The following FYCO1 variants were observed in gnomAD, a reference collection of about 807,000 sequenced individuals.
FYCO1 encodes the protein FYVE and coiled-coil domain autophagy adaptor 1.
FYCO1 carries 122 observed loss-of-function variants against 165.1 expected under a neutral mutation model. That is an observed-to-expected ratio of 0.74 (90% CI 0.64 to 0.86). The LOEUF (loss-of-function observed/expected upper bound fraction) is 0.86. Ranked by LOEUF, FYCO1 falls within the 40% of genes least tolerant of loss-of-function variation. The probability of loss-of-function intolerance (pLI) is 0.00; values close to 1 mark genes in which losing one functional copy is unlikely to be tolerated. For synonymous variants in FYCO1, 648 were observed against 742.5 expected, an observed-to-expected ratio of 0.87 and a Z score of 2.07; for missense variants, 1,702 against 1,810.3, an observed-to-expected ratio of 0.94 and a Z score of 1.09.
At chr3:45,955,677 A>T (rs374288126) in intron 13 of FYCO1, among the ~76,000 whole-genome samples, 1 of 152,254 alleles carries the variant, frequency 6.6e-6, no homozygotes, top group African/African-American at 2.4e-5. Context: ...AACCTCTTGC[A>T]TATTCTCTGA....
rs761680310 is a variant in FYCO1, at chr3:45,921,718, A to C, written c.*47T>G. The C allele has an allele frequency of 8.3e-7, 1 of 1,206,986 alleles. No individual in the cohort carries two copies. The highest frequency in any genetic ancestry group is 1.7e-5 in the Admixed American group (1 of 59,542). The allele number at this position is 1,206,986 out of a possible 1,614,324, so 74.8% of individuals were successfully genotyped here. A position where few individuals can be genotyped will look rare whatever the true frequency, so the allele number is the denominator to read the frequency against. ...AAATGCTTTATGTGACAGGTGAGGA[A>C]GAGCAGTGTTTCCTGTGGATGAAGT... On this transcript the variant is annotated 3_prime_UTR_variant, in exon 18 of 18. Coordinates refer to ENST00000296137, the MANE Select transcript of FYCO1 (RefSeq NM_024513.4).
intron 6 of FYCO1, among the ~76,000 whole-genome samples, chr3:45,972,366 G>A (rs1706491558): frequency 6.6e-6 from 1 of 152,202 alleles, no homozygotes; most frequent in Non-Finnish European, 1.5e-5. Flanking sequence ...GACTATCATA[G>A]TCACCACTTT....
chr3:45,933,725 C>G (rs1379537863), intron 15 of FYCO1, among the ~76,000 whole-genome samples: 1 of 151,778 alleles, frequency 6.6e-6, no homozygotes, highest in Non-Finnish European at 1.5e-5. Flanking sequence ...CCCACCTACA[C>G]ATAATAAAAA....
Position 45,959,444 on chromosome 3 carries a change from C to A in FYCO1, c.3536G>T (p.Cys1179Phe). 2 of 1,614,140 alleles carry A rather than the reference C, an allele frequency of 1.2e-6. No individual in the cohort carries two copies. Among genetic ancestry groups the A allele is most frequent in the Non-Finnish European group, 1.7e-6 (2 of 1,180,052 alleles). Residue 1179 changes from cysteine to phenylalanine, a missense_variant, in exon 12 of 18, where the codon TGC (cysteine) becomes TTC (phenylalanine). Cys to Phe is a radical substitution (Grantham distance 205). Transcript: ENST00000296137. ...GCTGAACTCCCGCTTACAGTCGAGG[C>A]AGTGGTTTGCCTCTGTGTCTCCGAG... ...RWLGDTEANHCLDCKREFSWM... is the reference protein window; with the variant it reads ...RWLGDTEANHFLDCKREFSWM...
At position 45,919,037 on chromosome 3, in the gene FYCO1, CAG is replaced by C. The variant is rs1194977985; in HGVS notation, c.*2726_*2727del. On this transcript the variant is annotated 3_prime_UTR_variant, in exon 18 of 18. Transcript: ENST00000296137. ...TCGATATGAAGACGTAACTGTTATT[CAG>C]AGAGATGAGCCATCAAGGGGCTGCC... 4 of 148,240 alleles carry C rather than the reference CAG, an allele frequency of 2.7e-5. No homozygotes were observed. The East Asian group carries it at 6.0e-4, about 22-fold the overall frequency. The allele number at this position is 148,240 out of a possible 1,614,324, so 9.2% of individuals were successfully genotyped here.
At chr3:45,992,042 G>A (rs1009690270) in intron 1 of FYCO1, among the ~76,000 whole-genome samples, 1 of 152,226 alleles carries the variant, frequency 6.6e-6, no homozygotes, top group African/African-American at 2.4e-5. Flanking sequence ...AGAGGCCTCA[G>A]GAGAAGCCAA....
In FYCO1 at chr3:45,918,923, T is replaced by C. The variant is rs1342004644; in HGVS notation, c.*2842A>G. On this transcript the variant is annotated 3_prime_UTR_variant, in exon 18 of 18. Transcript: ENST00000296137. ...ACACTTTGTGCCAAACGTGCCTCCT[T>C]GTTTGTGGGTAAGTGAATCTGACAG... The C allele has an allele frequency of 2.0e-5, 3 of 152,182 alleles. No individual in the cohort carries two copies. The highest frequency in any genetic ancestry group is 4.4e-5 in the Non-Finnish European group (3 of 68,042). The allele number at this position is 152,182 out of a possible 1,614,324, so 9.4% of individuals were successfully genotyped here. A position where few individuals can be genotyped will look rare whatever the true frequency, so the allele number is the denominator to read the frequency against.
intron 5 of FYCO1, among the ~76,000 whole-genome samples, 199 bp downstream of exon 5, chr3:45,975,040 T>C (rs1392538777): frequency 6.6e-6 from 1 of 152,016 alleles, no homozygotes; most frequent in East Asian, 1.9e-4. Flanking sequence ...CACTTACCTA[T>C]AAAAACACAG....
At chr3:45,988,898 C>T (rs564059237) in intron 1 of FYCO1, among the ~76,000 whole-genome samples, 34 of 152,204 alleles carry the variant, frequency 2.2e-4, no homozygotes, top group African/African-American at 8.2e-4. Flanking sequence ...CTATACCTGC[C>T]CAGATGCCCT....
Position 45,966,698 on chromosome 3 carries a change from TG to T in FYCO1, c.2635del (p.Gln879ArgfsTer37). On this transcript the variant is annotated frameshift_variant, in exon 8 of 18. Coordinates refer to ENST00000296137, the MANE Select transcript of FYCO1 (RefSeq NM_024513.4). LOFTEE classifies it high-confidence loss of function. ...ELRALQEELS[Q>X]AKCSSEEAQL... ...TGCTTCCTCGGAGCTGCATTTGGCC[TG>T]GGACAGCTCCTCCTGCAGGGCCCGC... The T allele has an allele frequency of 1.2e-6, 2 of 1,613,636 alleles. No individual in the cohort carries two copies. Among genetic ancestry groups the T allele is most frequent in the Non-Finnish European group, 8.5e-7 (1 of 1,179,964 alleles).
Position 45,918,107 on chromosome 3 carries a change from C to T in FYCO1, c.*3658G>A, listed in dbSNP as rs949300015. The T allele has an allele frequency of 5.9e-5, 9 of 152,570 alleles. No individual in the cohort carries two copies. Among genetic ancestry groups the T allele is most frequent in the African/African-American group, 1.9e-4 (8 of 41,418 alleles). 9.5% of individuals were successfully genotyped at this position (152,570 alleles called of 1,614,324 possible). A position where few individuals can be genotyped will look rare whatever the true frequency, so the allele number is the denominator to read the frequency against. On this transcript the variant is annotated 3_prime_UTR_variant, in exon 18 of 18. Coordinates refer to ENST00000296137, the MANE Select transcript of FYCO1 (RefSeq NM_024513.4). Reference sequence around the variant, plus strand: ...AATTGGGGTCCCAGACCCACCATCCCGTAAGGCCACATGAATTGAGGATTA... The same window carrying T: ...AATTGGGGTCCCAGACCCACCATCCTGTAAGGCCACATGAATTGAGGATTA...
chr3:45,925,194 C>T (rs955635618), intron 16 of FYCO1, among the ~76,000 whole-genome samples: 2 of 151,140 alleles, frequency 1.3e-5, no homozygotes, highest in Non-Finnish European at 2.9e-5. Context: ...TCCCAAAGTG[C>T]TGGGATTACA....
intron 16 of FYCO1, among the ~76,000 whole-genome samples, chr3:45,927,493 A>T (rs1251648761): frequency 6.6e-6 from 1 of 152,234 alleles, no homozygotes; most frequent in African/African-American, 2.4e-5. Context: ...TTCCTAACAC[A>T]ACAGTGTGCT....
intron 15 of FYCO1, among the ~76,000 whole-genome samples, chr3:45,933,616 G>C (rs1414964950): frequency 2.0e-5 from 3 of 152,090 alleles, no homozygotes; most frequent in Admixed American, 6.5e-5. Flanking sequence ...AAATGATTCA[G>C]CAGTTGTAGT....
intron 3 of FYCO1, among the ~76,000 whole-genome samples, chr3:45,980,556 T>C (rs747778675): frequency 1.8e-4 from 27 of 152,132 alleles, no homozygotes; most frequent in Non-Finnish European, 3.2e-4. Flanking sequence ...ATGGGCTTAA[T>C]TGAAAAAAAG....
intron 2 of FYCO1, among the ~76,000 whole-genome samples, chr3:45,982,254 T>A (rs1212223107): frequency 6.6e-6 from 1 of 152,110 alleles, no homozygotes; most frequent in Admixed American, 6.5e-5. Context: ...CTTATTTCGA[T>A]GAATCTAAGA....
chr3:45,994,276 T>C (rs1206777354), intron 1 of FYCO1, among the ~76,000 whole-genome samples: 1 of 152,024 alleles, frequency 6.6e-6, no homozygotes, highest in African/African-American at 2.4e-5. Context: ...ATATTCACCA[T>C]ACAATCCTTT....
At chr3:45,953,932 C>T (rs957508674) in intron 14 of FYCO1, among the ~76,000 whole-genome samples, 1 of 152,244 alleles carries the variant, frequency 6.6e-6, no homozygotes, top group Non-Finnish European at 1.5e-5. Context: ...AGCTTCCTTT[C>T]TCATGGCATC....
chr3:45,930,821 A>C lies in FYCO1; in HGVS notation c.4251+250T>G, dbSNP rs930020280. ...ACCTACCCATCTATCCCAAGGGCAG[A>C]CTGTACCTGTTTCACACAGGTGTGA... On this transcript the variant is annotated intron_variant, in intron 16 of 17. Transcript: ENST00000296137. Among the ~76,000 whole-genome samples the C allele has an allele frequency of 2.0e-5, 3 of 152,172 alleles. No individual in the cohort carries two copies. In the South Asian group the frequency reaches 6.2e-4, roughly 31 times the overall value.
Sources: allele counts gnomAD v4.1 joint callset (sites outside exome capture counted in the v4.1 genomes callset), GRCh38; gene constraint gnomAD v4.1.1; transcripts MANE v1.5; gene names NCBI Gene and HGNC (gene_info 2026-07-23, HGNC 2026-07-21).